The following GRID1 variants were observed in gnomAD, a reference collection of about 807,000 sequenced individuals.
GRID1 encodes glutamate receptor ionotropic, delta-1.
Under a neutral mutation model 98.0 loss-of-function variants are expected in GRID1, and 28 were observed. The ratio of observed to expected loss-of-function variants is 0.29; its 90% confidence interval spans 0.21 to 0.39. The LOEUF is 0.39. Among genes scored for constraint, GRID1 ranks in the 10% least tolerant of loss-of-function variants. The pLI, the probability that GRID1 is intolerant of heterozygous loss-of-function variation, is 1.00. For synonymous variants in GRID1, 553 were observed against 538.5 expected, an observed-to-expected ratio of 1.03 and a Z score of -0.37; for missense variants, 1,111 against 1,340.5, an observed-to-expected ratio of 0.83 and a Z score of 2.67.
chr10:86,204,145 C>A lies in GRID1; in HGVS notation c.520+2219G>T, dbSNP rs562196477. On this transcript the variant is annotated intron_variant, in intron 3 of 15. Transcript: ENST00000327946. ...GGGGAGTGTGACTGTAGAATACAAC[C>A]TGTTTCCTAGCCTACACCCCTTCCC... Among the ~76,000 whole-genome samples, 168 of 152,286 alleles carry A rather than the reference C, an allele frequency of 1.1e-3. 1 individual carries two copies. The highest frequency in any genetic ancestry group is 3.9e-3 in the African/African-American group (163 of 41,556).
At chr10:85,785,648 C>T (rs967230693) in intron 8 of GRID1, among the ~76,000 whole-genome samples, 13 of 152,094 alleles carry the variant, frequency 8.5e-5, no homozygotes, top group Non-Finnish European at 2.9e-5. Flanking sequence ...TTTCAGTGTT[C>T]CAGGGACCTA....
intron 2 of GRID1, among the ~76,000 whole-genome samples, chr10:86,230,328 G>A (rs1013333871): frequency 6.6e-6 from 1 of 152,160 alleles, no homozygotes; most frequent in Non-Finnish European, 1.5e-5. Flanking sequence ...ACAGTTGCCT[G>A]GGGGAGTTTC....
chr10:85,967,184 C>T (rs1297733277), intron 4 of GRID1, among the ~76,000 whole-genome samples: 1 of 152,176 alleles, frequency 6.6e-6, no homozygotes, highest in Admixed American at 6.6e-5. Flanking sequence ...GTCAATTAAA[C>T]CTTTTTCTTT....
At chr10:86,213,757 G>T (rs1280518997) in intron 2 of GRID1, among the ~76,000 whole-genome samples, 1 of 148,580 alleles carries the variant, frequency 6.7e-6, no homozygotes, top group Non-Finnish European at 1.5e-5. Context: ...CCACCCATCT[G>T]CCTGAGTTCT....
chr10:86,055,847 G>A (rs532986207), intron 4 of GRID1, among the ~76,000 whole-genome samples: 2 of 137,114 alleles, frequency 1.5e-5, no homozygotes, highest in East Asian at 4.5e-4. Context: ...CTCATGTGAG[G>A]ACACAGAAAA....
At chr10:86,050,240 A>G (rs1264598709) in intron 4 of GRID1, among the ~76,000 whole-genome samples, 1 of 152,256 alleles carries the variant, frequency 6.6e-6, no homozygotes, top group Non-Finnish European at 1.5e-5. Flanking sequence ...AAAAGGAGGC[A>G]CACAATTTCT....
intron 12 of GRID1, among the ~76,000 whole-genome samples, chr10:85,696,109 T>C (rs1352174500): frequency 6.6e-6 from 1 of 152,164 alleles, no homozygotes; most frequent in Non-Finnish European, 1.5e-5. Flanking sequence ...AATTAACATA[T>C]GTATAGGGTA....
chr10:86,071,439 T>A (rs964560138), intron 4 of GRID1, among the ~76,000 whole-genome samples: 1 of 152,220 alleles, frequency 6.6e-6, no homozygotes, highest in South Asian at 2.1e-4. Flanking sequence ...TCCACAAAAC[T>A]GCGTCCACAA....
rs1009986112 is a variant in GRID1, at chr10:85,600,615, T to G, written c.*1658A>C. ...GAGCTCCACCTCCTTCAGTGACAGA[T>G]GTGGGCTGTGTATTCCATTCTGACG... On this transcript the variant is annotated 3_prime_UTR_variant, in exon 16 of 16. Coordinates refer to ENST00000327946, the MANE Select transcript of GRID1 (RefSeq NM_017551.3). 6.6e-6 allele frequency: 1 copy of G among 152,228 alleles called. No homozygotes were observed. Among genetic ancestry groups the G allele is most frequent in the Non-Finnish European group, 1.5e-5 (1 of 68,036 alleles). The allele number at this position is 152,228 out of a possible 1,614,324, so 9.4% of individuals were successfully genotyped here.
At chr10:86,152,019 C>A (rs1477401470) in intron 3 of GRID1, among the ~76,000 whole-genome samples, 1 of 152,212 alleles carries the variant, frequency 6.6e-6, no homozygotes, top group African/African-American at 2.4e-5. Flanking sequence ...AGGAGCCCAA[C>A]AGGAAACAGA....
chr10:85,894,512 G>A (rs1292318529), intron 5 of GRID1, among the ~76,000 whole-genome samples: 2 of 152,238 alleles, frequency 1.3e-5, no homozygotes, highest in East Asian at 3.9e-4. Flanking sequence ...GGGGCAGGAG[G>A]AAATTTTTGT....
At chr10:86,135,081 A>C (rs1343422560) in intron 4 of GRID1, among the ~76,000 whole-genome samples, 1 of 152,224 alleles carries the variant, frequency 6.6e-6, no homozygotes, top group East Asian at 1.9e-4. Context: ...TTCCCAGAGC[A>C]AGGCCCCTCT....
chr10:86,301,891 G>T (rs953585056), intron 2 of GRID1, among the ~76,000 whole-genome samples: 1 of 152,150 alleles, frequency 6.6e-6, no homozygotes. Flanking sequence ...CACATTTCAG[G>T]TGTCTTCATT....
intron 4 of GRID1, among the ~76,000 whole-genome samples, chr10:86,079,570 A>T (rs1843935049): frequency 6.6e-6 from 1 of 152,222 alleles, no homozygotes; most frequent in Non-Finnish European, 1.5e-5. Context: ...CAGCTGTCTC[A>T]GTCAGCAGCT....
chr10:85,679,551 A>G (rs1441576968), intron 12 of GRID1, among the ~76,000 whole-genome samples: 1 of 152,204 alleles, frequency 6.6e-6, no homozygotes, highest in Non-Finnish European at 1.5e-5. Flanking sequence ...CAGGACAGAT[A>G]CAGATATCAA....
chr10:86,031,367 A>G (rs1393618390), intron 4 of GRID1, among the ~76,000 whole-genome samples: 2 of 152,102 alleles, frequency 1.3e-5, no homozygotes. Context: ...TTGAGTACAC[A>G]TGGAAATAAA....
intron 2 of GRID1, among the ~76,000 whole-genome samples, chr10:86,322,728 A>T (rs913031706): frequency 3.3e-5 from 5 of 149,280 alleles, no homozygotes; most frequent in East Asian, 2.0e-4. Context: ...ATTTTTTTTT[A>T]AATAAAAATA....
chr10:86,191,786 G>A (rs1319279573), intron 3 of GRID1, among the ~76,000 whole-genome samples: 1 of 152,054 alleles, frequency 6.6e-6, no homozygotes, highest in Non-Finnish European at 1.5e-5. Flanking sequence ...TGTTAGTCTG[G>A]GCTGCTTCCA....
chr10:85,951,948 A>T (rs1261921283), intron 4 of GRID1, among the ~76,000 whole-genome samples: 5 of 152,220 alleles, frequency 3.3e-5, no homozygotes, highest in Non-Finnish European at 7.3e-5. Context: ...ACCATCCTCC[A>T]TCCCATCTCC....
Sources: allele counts gnomAD v4.1 joint callset (sites outside exome capture counted in the v4.1 genomes callset), GRCh38; gene constraint gnomAD v4.1.1; transcripts MANE v1.5; gene names NCBI Gene and HGNC (gene_info 2026-07-23, HGNC 2026-07-21).